ZNF516: variants seen among roughly 807,000 people sequenced by gnomAD.
ZNF516 encodes the protein zinc finger protein 516.
Under a neutral mutation model 79.7 loss-of-function variants are expected in ZNF516, and 19 were observed. The ratio of observed to expected loss-of-function variants is 0.24; its 90% confidence interval spans 0.17 to 0.35. The LOEUF (loss-of-function observed/expected upper bound fraction) is 0.35, where lower values mean the gene tolerates loss of function less well. Ranked by LOEUF, ZNF516 falls within the 10% of genes least tolerant of loss-of-function variation. The pLI is 1.00. For missense variants in ZNF516, 1,678 were observed against 1,679.5 expected (o/e 1.00, Z 0.02); for synonymous variants, 877 against 739.5 (o/e 1.19, Z -3.02).
chr18:76,378,730 G>T, intron 4 of ZNF516, 125 bp downstream of exon 4: 3 of 1,378,514 alleles, frequency 2.2e-6, no homozygotes, highest in Non-Finnish European at 1.9e-6. Context: ...GCTCAGCAGT[G>T]GGATGGGGCC....
chr18:76,389,722 T>C (rs2075044534), intron 3 of ZNF516, among the ~76,000 whole-genome samples: 1 of 152,192 alleles, frequency 6.6e-6, no homozygotes, highest in Non-Finnish European at 1.5e-5. Context: ...GAAACACACT[T>C]CTTGAAACAA....
At chr18:76,472,816 T>C (rs1266297914) in intron 1 of ZNF516, among the ~76,000 whole-genome samples, 1 of 111,878 alleles carries the variant, frequency 8.9e-6, no homozygotes, top group Non-Finnish European at 2.0e-5. Context: ...TAAATAGAAT[T>C]ACATCCAAAT....
rs985089256 is a variant in ZNF516, at chr18:76,360,790, A to G, written c.*1708T>C. ...CCAGAACCAAACATTACTAATAACA[A>G]TAACAATAATAATAATAATAATAAT... On this transcript the variant is annotated 3_prime_UTR_variant, in exon 7 of 7. Coordinates refer to ENST00000443185, the MANE Select transcript of ZNF516 (RefSeq NM_014643.4). The G allele has an allele frequency of 7.2e-6, 1 of 139,066 alleles. No individual in the cohort carries two copies. The highest frequency in any genetic ancestry group is 2.0e-4 in the East Asian group (1 of 5,096). 8.6% of individuals were successfully genotyped at this position (139,066 alleles called of 1,614,324 possible).
intron 3 of ZNF516, among the ~76,000 whole-genome samples, chr18:76,435,832 G>A (rs756389713): frequency 1.9e-4 from 29 of 152,236 alleles, no homozygotes; most frequent in Non-Finnish European, 2.4e-4. Context: ...TCCTGACCTC[G>A]GTCTCCGTTC....
At chr18:76,488,692 A>G (rs558864067) in intron 1 of ZNF516, among the ~76,000 whole-genome samples, 1 of 152,258 alleles carries the variant, frequency 6.6e-6, no homozygotes, top group Non-Finnish European at 1.5e-5. Flanking sequence ...TTTATAATGC[A>G]GATACCTAAT....
intron 3 of ZNF516, among the ~76,000 whole-genome samples, chr18:76,382,004 C>A (rs1002336667): frequency 2.0e-5 from 3 of 152,100 alleles, no homozygotes; most frequent in African/African-American, 7.2e-5. Context: ...TAGTGGCACG[C>A]GCCTGAAGTC....
rs1360333867 is a variant in ZNF516, at chr18:76,441,953, G to C, written c.1102C>G (p.Pro368Ala). Residue 368 changes from proline (P) to alanine (A), a missense_variant, in exon 3 of 7, where the codon CCG (proline) becomes GCG (alanine). Around this residue, in one of 5 missense-constraint regions of ZNF516, gnomAD observed 1,294 missense variants for 1,248.3 expected, o/e 1.04. Coordinates refer to ENST00000443185, the MANE Select transcript of ZNF516 (RefSeq NM_014643.4). ...RRVEASRTRA[P>A]AEEGAEGPSD... ...GGCCCCTCCGCCCCCTCCTCGGCCGGGGCGCGCGTGCGGCTGGCCTCGACT... is the reference window on the plus strand; with the variant it reads ...GGCCCCTCCGCCCCCTCCTCGGCCGCGGCGCGCGTGCGGCTGGCCTCGACT... 1.6e-5 allele frequency: 25 copies of C among 1,612,000 alleles called. No individual in the cohort carries two copies. Among genetic ancestry groups the C allele is most frequent in the Non-Finnish European group, 2.1e-5 (25 of 1,179,564 alleles).
At chr18:76,480,220 C>A (rs538473354) in intron 1 of ZNF516, among the ~76,000 whole-genome samples, 9 of 148,440 alleles carry the variant, frequency 6.1e-5, no homozygotes, top group Non-Finnish European at 7.4e-5. Context: ...TTGTCATCTA[C>A]ACGTTTAACA....
intron 3 of ZNF516, among the ~76,000 whole-genome samples, chr18:76,404,631 CTG>C (rs773591047): frequency 6.6e-6 from 1 of 151,948 alleles, no homozygotes; most frequent in Non-Finnish European, 1.5e-5. Context: ...ATGAGTGCAC[CTG>C]TGTGAGGATG....
intron 3 of ZNF516, among the ~76,000 whole-genome samples, chr18:76,415,273 T>A (rs2075418677): frequency 6.6e-6 from 1 of 152,018 alleles, no homozygotes; most frequent in Non-Finnish European, 1.5e-5. Context: ...TGAGAAGAGC[T>A]CTTAACAGAA....
chr18:76,442,638 G>C lies in ZNF516; in HGVS notation c.417C>G (p.Val139=), dbSNP rs927782025. 6 of 1,592,248 alleles carry C rather than the reference G, an allele frequency of 3.8e-6. No homozygotes were observed. Among genetic ancestry groups the C allele is most frequent in the Non-Finnish European group, 5.1e-6 (6 of 1,175,608 alleles). Residue 139 remains valine (V), a synonymous_variant, in exon 3 of 7, where the codon GTC becomes GTG. Transcript: ENST00000443185. ...TGTCGGCCTGCGAGGCCCCGTTCAG[G>C]ACCCTGGCGCCGTCGGCCTGCGAGG... ...NGASQADGAR[V]LNGASQADSG...
rs371217942 is a variant in ZNF516, at chr18:76,472,364, G to C, written c.-271-9223C>G. On this transcript the variant is annotated intron_variant, in intron 1 of 6. Coordinates refer to ENST00000443185, the MANE Select transcript of ZNF516 (RefSeq NM_014643.4). ...GGCATGTGCACAGACACTTGCACAT[G>C]TGTGTGTGCATTTGCATAGGCTCAC... Among the ~76,000 whole-genome samples the C allele has an allele frequency of 1.3e-4, 18 of 139,132 alleles. No homozygotes were observed. The East Asian group carries it at 2.2e-3, about 17-fold the overall frequency. 91.3% of individuals were successfully genotyped at this position (139,132 alleles called of 152,430 possible). A position where few individuals can be genotyped will look rare whatever the true frequency, so the allele number is the denominator to read the frequency against.
chr18:76,408,634 A>G (rs2075332287), intron 3 of ZNF516, among the ~76,000 whole-genome samples: 1 of 152,222 alleles, frequency 6.6e-6, no homozygotes, highest in African/African-American at 2.4e-5. Context: ...CCCTAACACC[A>G]AGAAGAACAT....
At chr18:76,383,201 G>A (rs753371630) in intron 3 of ZNF516, among the ~76,000 whole-genome samples, 2 of 152,170 alleles carry the variant, frequency 1.3e-5, no homozygotes, top group African/African-American at 4.8e-5. Context: ...GAGGGGCAGC[G>A]GGCAGGAAAC....
intron 3 of ZNF516, among the ~76,000 whole-genome samples, chr18:76,383,748 C>T (rs7233692): frequency 0.2 from 30,832 of 152,228 alleles, 3,429 homozygotes; most frequent in African/African-American, 0.29. Context: ...AGTGAGCTCC[C>T]GATCAGGCCT....
chr18:76,454,961 A>C (rs1841554650), intron 2 of ZNF516, among the ~76,000 whole-genome samples: 1 of 152,222 alleles, frequency 6.6e-6, no homozygotes, highest in African/African-American at 2.4e-5. Flanking sequence ...GTAAAAATAA[A>C]TTTAAAACGT....
chr18:76,416,499 A>G (rs1175591242), intron 3 of ZNF516, among the ~76,000 whole-genome samples: 1 of 152,236 alleles, frequency 6.6e-6, no homozygotes, highest in Non-Finnish European at 1.5e-5. Flanking sequence ...TTTTAGTCAA[A>G]TATTTAATCC....
At chr18:76,404,748 C>T (rs1164630653) in intron 3 of ZNF516, among the ~76,000 whole-genome samples, 3 of 149,766 alleles carry the variant, frequency 2.0e-5, no homozygotes, top group Non-Finnish European at 4.4e-5. Flanking sequence ...GTTGTGTGTG[C>T]ATGAGCATAT....
At position 76,441,909 on chromosome 18, in the gene ZNF516, G is replaced by A. The variant is rs763764504; in HGVS notation, c.1146C>T (p.Phe382=). 1.2e-6 allele frequency: 2 copies of A among 1,603,032 alleles called. No homozygotes were observed. The highest frequency in any genetic ancestry group is 4.5e-5 in the East Asian group (2 of 44,650). Residue 382 remains phenylalanine, a synonymous_variant, in exon 3 of 7, where the codon TTC becomes TTT. Transcript: ENST00000443185. ...GCCTCAGGTTCAGGCACTGGAGGAAGAACTGCTTGGTGTCCGAGGGCCCCT... is the reference window on the plus strand; with the variant it reads ...GCCTCAGGTTCAGGCACTGGAGGAAAAACTGCTTGGTGTCCGAGGGCCCCT... ...GAEGPSDTKQ[F]FLQCLNLRPS...
Sources: allele counts gnomAD v4.1 joint callset (sites outside exome capture counted in the v4.1 genomes callset), GRCh38; gene constraint gnomAD v4.1.1; regional missense constraint gnomAD v4.1.1; transcripts MANE v1.5; gene names NCBI Gene and HGNC (gene_info 2026-07-23, HGNC 2026-07-21).